The following FOXN3 variants were observed in gnomAD, a reference collection of about 807,000 sequenced individuals.
FOXN3 encodes forkhead box N3, also known as forkhead box protein N3.
Under a neutral mutation model 38.4 loss-of-function variants are expected in FOXN3, and 7 were observed. The ratio of observed to expected loss-of-function variants is 0.18; its 90% CI spans 0.10 to 0.34. FOXN3 has a LOEUF of 0.34. Ranked by LOEUF, FOXN3 falls within the 10% of genes least tolerant of loss-of-function variation. The probability of loss-of-function intolerance (pLI) is 1.00; values close to 1 mark genes in which losing one functional copy is unlikely to be tolerated. For missense variants in FOXN3, 456 were observed against 613.4 expected, an observed-to-expected ratio of 0.74 and a Z score of 2.71; for synonymous variants, 230 against 242.2, an observed-to-expected ratio of 0.95 and a Z score of 0.47.
chr14:89,206,358 G>C lies in FOXN3; in HGVS notation c.746-25552C>G, dbSNP rs527903842. On this transcript the variant is annotated intron_variant, in intron 4 of 5. Transcript: ENST00000557258. ...TTGTGGATGCTGCGTATTCATTCCA[G>C]ACAAAACTGTAAATGCTAAGCCAAA... Among the ~76,000 whole-genome samples the C allele has an allele frequency of 3.3e-5, 5 of 152,296 alleles. No individual in the cohort carries two copies. In the East Asian group the frequency reaches 9.6e-4, roughly 29 times the overall value.
rs567791609 is a variant in FOXN3, at chr14:89,410,599, G to A, written c.543+1335C>T. Among the ~76,000 whole-genome samples the A allele has an allele frequency of 1.1e-4, 17 of 152,308 alleles. No homozygotes were observed. In the East Asian group the frequency reaches 3.1e-3, roughly 28 times the overall value. On this transcript the variant is annotated intron_variant, in intron 2 of 5. Coordinates refer to ENST00000557258, the MANE Select transcript of FOXN3 (RefSeq NM_005197.4). ...TCCTTAAAACAAAAATAGGCCAGGC[G>A]TGGTGGCTCATGCCTGTAATCCCAG...
At chr14:89,298,184 C>CA (rs2139942998) in intron 3 of FOXN3, among the ~76,000 whole-genome samples, 1 of 152,060 alleles carries the variant, frequency 6.6e-6, no homozygotes, top group East Asian at 1.9e-4. Context: ...AAGCCAGTCA[C>CA]AAAAAAGACA....
intron 3 of FOXN3, among the ~76,000 whole-genome samples, chr14:89,304,499 G>A (rs1366588419): frequency 3.9e-5 from 6 of 152,070 alleles, no homozygotes; most frequent in Non-Finnish European, 7.4e-5. Flanking sequence ...AGACAACAGG[G>A]GGTGCTTTTT....
chr14:89,410,874 A>C (rs989716226), intron 2 of FOXN3, among the ~76,000 whole-genome samples: 51 of 145,054 alleles, frequency 3.5e-4, no homozygotes, highest in African/African-American at 1.4e-3. Context: ...CCCTGGTCCC[A>C]AAAAAAAAGA....
chr14:89,494,830 C>G (rs1486674407), intron 1 of FOXN3, among the ~76,000 whole-genome samples: 1 of 152,184 alleles, frequency 6.6e-6, no homozygotes, highest in African/African-American at 2.4e-5. Flanking sequence ...TTCCTAAACC[C>G]ATGCAAGAAG....
chr14:89,544,093 C>T (rs1222616632), intron 1 of FOXN3, among the ~76,000 whole-genome samples: 2 of 151,400 alleles, frequency 1.3e-5, no homozygotes, highest in Non-Finnish European at 2.9e-5. Context: ...TAAGAGATTG[C>T]TTTTTTTTGT....
intron 2 of FOXN3, among the ~76,000 whole-genome samples, chr14:89,382,572 TG>T (rs1238091120): frequency 4.6e-5 from 7 of 152,162 alleles, no homozygotes; most frequent in Non-Finnish European, 1.0e-4. Context: ...CACCCACAAA[TG>T]CCCTTTCAGG....
intron 3 of FOXN3, among the ~76,000 whole-genome samples, chr14:89,303,220 T>C (rs1327740707): frequency 6.6e-6 from 1 of 152,146 alleles, no homozygotes; most frequent in Non-Finnish European, 1.5e-5. Context: ...TCATTGCTAC[T>C]CAGTTGCCCC....
intron 1 of FOXN3, among the ~76,000 whole-genome samples, chr14:89,528,253 G>C (rs532869760): frequency 1.8e-4 from 28 of 151,814 alleles, no homozygotes; most frequent in Non-Finnish European, 3.5e-4. Context: ...CCCTAAACTG[G>C]AAACAATTCA....
intron 4 of FOXN3, among the ~76,000 whole-genome samples, chr14:89,210,830 T>A (rs968105081): frequency 7.2e-5 from 11 of 152,222 alleles, no homozygotes; most frequent in African/African-American, 2.7e-4. Context: ...AAACACTCCA[T>A]CGACAGGGTA....
At chr14:89,224,418 T>C (rs1278547814) in intron 4 of FOXN3, among the ~76,000 whole-genome samples, 1 of 152,174 alleles carries the variant, frequency 6.6e-6, no homozygotes, top group East Asian at 1.9e-4. Flanking sequence ...AGGTGAGAAT[T>C]TAGATTTCAT....
At chr14:89,302,205 T>C (rs958702396) in intron 3 of FOXN3, among the ~76,000 whole-genome samples, 3 of 152,188 alleles carry the variant, frequency 2.0e-5, no homozygotes, top group Admixed American at 1.3e-4. Context: ...TCTATTCCTC[T>C]CCTGGAAGTG....
chr14:89,209,011 C>T (rs12436765), intron 4 of FOXN3, among the ~76,000 whole-genome samples: 6,724 of 152,270 alleles, frequency 0.044, 223 homozygotes, highest in Admixed American at 0.07. Context: ...AACCACGCAA[C>T]GACAAACACA....
rs373119598 is a variant in FOXN3, at chr14:89,314,209, T to C, written c.681-33195A>G. Among the ~76,000 whole-genome samples the C allele has an allele frequency of 5.9e-5, 9 of 152,364 alleles. No individual in the cohort carries two copies. The East Asian group carries it at 1.7e-3, about 29-fold the overall frequency. ...GTAGGGATACTTTTATTCAGTTCTT[T>C]AAACTGTTTTATTGTTTGACCATTC... is the stretch of plus-strand genomic sequence containing the variant. On this transcript the variant is annotated intron_variant, in intron 3 of 5. Coordinates refer to ENST00000557258, the MANE Select transcript of FOXN3 (RefSeq NM_005197.4).
At chr14:89,257,199 G>A (rs143538455) in intron 4 of FOXN3, among the ~76,000 whole-genome samples, 1 of 152,262 alleles carries the variant, frequency 6.6e-6, no homozygotes, top group African/African-American at 2.4e-5. Flanking sequence ...CCATCATGAG[G>A]GGCTGAGTCC....
chr14:89,185,032 T>C (rs1254932860), intron 4 of FOXN3, among the ~76,000 whole-genome samples: 1 of 152,246 alleles, frequency 6.6e-6, no homozygotes, highest in Non-Finnish European at 1.5e-5. Flanking sequence ...GCAGCATTAA[T>C]AGGCTTTCCC....
intron 1 of FOXN3, among the ~76,000 whole-genome samples, chr14:89,428,470 T>C (rs1892088812): frequency 6.6e-6 from 1 of 151,722 alleles, no homozygotes; most frequent in Middle Eastern, 3.4e-3. Flanking sequence ...AGCAAGCAGG[T>C]GAATTGCTAG....
At chr14:89,293,101 T>C (rs1375029270) in intron 3 of FOXN3, among the ~76,000 whole-genome samples, 1 of 152,186 alleles carries the variant, frequency 6.6e-6, no homozygotes, top group African/African-American at 2.4e-5. Context: ...CTAGGAGAGT[T>C]TGTGGAAAGG....
intron 1 of FOXN3, among the ~76,000 whole-genome samples, chr14:89,609,191 G>A (rs1439747471): frequency 6.6e-6 from 1 of 152,080 alleles, no homozygotes; most frequent in Non-Finnish European, 1.5e-5. Flanking sequence ...GGTAGACTGG[G>A]CAATGAGAAG....
Sources: gnomAD v4.1 joint callset for allele counts (sites outside exome capture counted in the v4.1 genomes callset) on GRCh38, gnomAD v4.1.1 for gene constraint, MANE v1.5 for transcripts, NCBI Gene and HGNC (gene_info 2026-07-23, HGNC 2026-07-21) for gene names.